Variants in LRRTM3 observed in about 807,000 individuals in gnomAD.
LRRTM3 encodes leucine rich repeat transmembrane neuronal 3.
A neutral mutation model predicts 44.7 loss-of-function variants in LRRTM3; 24 were observed. The ratio of observed to expected loss-of-function variants is 0.54; its 90% CI spans 0.39 to 0.76. LRRTM3 has a LOEUF of 0.76. LRRTM3 is among the 30% of genes least tolerant of loss of function. The probability of loss-of-function intolerance (pLI) is 0.00; values close to 1 mark genes in which losing one functional copy is unlikely to be tolerated. For synonymous variants in LRRTM3, 277 were observed against 278.7 expected (o/e 0.99, Z 0.06); for missense variants, 587 against 702.2 (o/e 0.84, Z 1.85).
At chr10:67,030,210 C>T (rs1191107614) in intron 2 of LRRTM3, among the ~76,000 whole-genome samples, 1 of 152,166 alleles carries the variant, frequency 6.6e-6, no homozygotes, top group Admixed American at 6.5e-5. Flanking sequence ...TGCATTTTTA[C>T]ACTTAGCAGC....
chr10:67,070,257 T>A (rs1257687635), intron 2 of LRRTM3, among the ~76,000 whole-genome samples: 1 of 152,198 alleles, frequency 6.6e-6, no homozygotes, highest in Non-Finnish European at 1.5e-5. Context: ...TCTTTTGTCT[T>A]TATCTTTTTT....
At chr10:67,054,603 C>T (rs1216026139) in intron 2 of LRRTM3, 1 of 152,200 alleles carries the variant, frequency 6.6e-6, no homozygotes, top group Non-Finnish European at 1.5e-5. Context: ...TTTCTTACCA[C>T]TCTTCCTTCC....
chr10:67,034,366 C>A (rs1417238985), intron 2 of LRRTM3, among the ~76,000 whole-genome samples: 1 of 152,182 alleles, frequency 6.6e-6, no homozygotes, highest in East Asian at 1.9e-4. Flanking sequence ...GATGAGGATA[C>A]AATGCCCAAT....
chr10:66,965,861 G>T (rs759620562), intron 2 of LRRTM3, among the ~76,000 whole-genome samples: 2 of 152,068 alleles, frequency 1.3e-5, no homozygotes, highest in Non-Finnish European at 2.9e-5. Context: ...CATGAAATGT[G>T]CCTTCCCATC....
At chr10:66,976,841 C>T (rs1210054740) in intron 2 of LRRTM3, among the ~76,000 whole-genome samples, 1 of 152,022 alleles carries the variant, frequency 6.6e-6, no homozygotes, top group African/African-American at 2.4e-5. Flanking sequence ...TTAGGAGATA[C>T]CCACGTTTTT....
intron 2 of LRRTM3, among the ~76,000 whole-genome samples, chr10:67,086,119 G>A (rs1241772257): frequency 6.6e-6 from 1 of 152,032 alleles, no homozygotes; most frequent in Non-Finnish European, 1.5e-5. Context: ...TGAGTGGATA[G>A]ATGGATAGAT....
At chr10:66,943,583 C>G (rs1468439645) in intron 2 of LRRTM3, among the ~76,000 whole-genome samples, 1 of 151,266 alleles carries the variant, frequency 6.6e-6, no homozygotes, top group African/African-American at 2.4e-5. Flanking sequence ...TTAAGAAACT[C>G]TCACGGCGAG....
chr10:66,976,683 C>T (rs184745834), intron 2 of LRRTM3, among the ~76,000 whole-genome samples: 2 of 152,302 alleles, frequency 1.3e-5, no homozygotes, highest in East Asian at 3.9e-4. Context: ...TTTTCTGCCA[C>T]ACTGATCTAT....
At chr10:67,044,310 G>A (rs1178499216) in intron 2 of LRRTM3, among the ~76,000 whole-genome samples, 1 of 152,068 alleles carries the variant, frequency 6.6e-6, no homozygotes, top group African/African-American at 2.4e-5. Flanking sequence ...TTAACGAGGG[G>A]GAAGGGGATA....
At chr10:66,934,493 A>T (rs1053625616) in intron 2 of LRRTM3, among the ~76,000 whole-genome samples, 2 of 152,196 alleles carry the variant, frequency 1.3e-5, no homozygotes, top group African/African-American at 4.8e-5. Context: ...CATAAAACAA[A>T]TTTAAAGCTG....
intron 2 of LRRTM3, among the ~76,000 whole-genome samples, chr10:66,967,041 T>C (rs1390033020): frequency 6.6e-6 from 1 of 152,020 alleles, no homozygotes; most frequent in Non-Finnish European, 1.5e-5. Flanking sequence ...AAAAGAAATA[T>C]TAAGTATAAC....
chr10:67,040,009 A>G (rs926312730), intron 2 of LRRTM3, among the ~76,000 whole-genome samples: 66 of 152,046 alleles, frequency 4.3e-4, no homozygotes, highest in African/African-American at 1.5e-3. Context: ...TGTCCTCTCC[A>G]TGTGCTGATC....
intron 2 of LRRTM3, among the ~76,000 whole-genome samples, chr10:67,009,017 T>C (rs1405381318): frequency 5.3e-5 from 8 of 152,188 alleles, no homozygotes; most frequent in Admixed American, 1.3e-4. Flanking sequence ...CATAATTCTA[T>C]AGGATTTTGG....
chr10:66,943,964 T>G (rs996410892), intron 2 of LRRTM3, among the ~76,000 whole-genome samples: 1 of 152,140 alleles, frequency 6.6e-6, no homozygotes, highest in Non-Finnish European at 1.5e-5. Flanking sequence ...TGGTGTAGGG[T>G]CTTTCCTTGA....
At chr10:66,960,806 T>C (rs951440307) in intron 2 of LRRTM3, among the ~76,000 whole-genome samples, 1 of 151,992 alleles carries the variant, frequency 6.6e-6, no homozygotes, top group African/African-American at 2.4e-5. Flanking sequence ...TGACTGCCCT[T>C]AGAAAAGGGG....
At position 67,097,737 on chromosome 10, in the gene LRRTM3, G is replaced by C. The variant is rs751117205; in HGVS notation, c.1687G>C (p.Asp563His). 2 of 1,612,472 alleles carry C rather than the reference G, an allele frequency of 1.2e-6. No homozygotes were observed. Among genetic ancestry groups the C allele is most frequent in the Non-Finnish European group, 1.7e-6 (2 of 1,179,038 alleles). The change falls in exon 3 of 3, where the codon GAC (aspartate) becomes CAC (histidine). Residue 563 changes from aspartate to histidine, a missense_variant. Asp to His is a moderately conservative substitution (Grantham distance 81, BLOSUM62 -1). Around this residue, in one of 3 missense-constraint regions of LRRTM3, gnomAD observed 315 missense variants for 335.6 expected, o/e 0.94. Transcript: ENST00000361320. ...GGAAACACACCTAGAGACTGAGCTG[G>C]ACCTGAGCACAATCACAACAGCTGG... ...TMETHLETEL[D>H]LSTITTAGRI... is the part of the protein sequence containing the mutation.
chr10:66,982,891 G>A (rs1014466407), intron 2 of LRRTM3, among the ~76,000 whole-genome samples: 2 of 152,092 alleles, frequency 1.3e-5, no homozygotes, highest in African/African-American at 4.8e-5. Context: ...AAGGGGAGAA[G>A]CATAAGACCC....
chr10:66,992,438 T>A (rs963499605), intron 2 of LRRTM3, among the ~76,000 whole-genome samples: 2 of 152,072 alleles, frequency 1.3e-5, no homozygotes, highest in African/African-American at 4.8e-5. Flanking sequence ...CTTCTTCTTG[T>A]TCCTAGGAGT....
intron 2 of LRRTM3, among the ~76,000 whole-genome samples, chr10:67,026,819 GTTAA>G (rs1364941804): frequency 7.2e-5 from 11 of 152,142 alleles, no homozygotes; most frequent in African/African-American, 2.7e-4. Context: ...CTTCTCATGT[GTTAA>G]TTAAAAGAGT....
Sources: gnomAD v4.1 joint callset for allele counts (sites outside exome capture counted in the v4.1 genomes callset) on GRCh38, gnomAD v4.1.1 for gene constraint, gnomAD v4.1.1 regional missense constraint, MANE v1.5 for transcripts, NCBI Gene and HGNC (gene_info 2026-07-23, HGNC 2026-07-21) for gene names.